Variants in AFAP1 observed in about 807,000 individuals in gnomAD.
AFAP1 encodes the protein actin filament associated protein 1.
Under a neutral mutation model 93.9 loss-of-function variants are expected in AFAP1, and 75 were observed. The observed-to-expected ratio is 0.80, with a 90% confidence interval of 0.66 to 0.97. AFAP1 has a LOEUF of 0.97. Ranked by LOEUF, AFAP1 falls within the 50% of genes least tolerant of loss-of-function variation. The pLI is 0.00. For missense variants in AFAP1, 1,201 were observed against 1,050.8 expected (o/e 1.14, Z -1.98); for synonymous variants, 517 against 430.7 (o/e 1.20, Z -2.48).
At chr4:7,914,244 G>A (rs551899500) in intron 1 of AFAP1, among the ~76,000 whole-genome samples, 36 of 152,034 alleles carry the variant, frequency 2.4e-4, no homozygotes, top group East Asian at 1.2e-3. Flanking sequence ...TAGTAGAGAC[G>A]GGGTTTCGCC....
chr4:7,838,834 T>TCA (rs113955695), intron 5 of AFAP1, 131 bp from the exon 6 acceptor site: 27,337 of 743,044 alleles, frequency 0.037, 360 homozygotes, highest in African/African-American at 0.1. Context: ...ATGAGCAGGT[T>TCA]CACACACACA....
intron 1 of AFAP1, among the ~76,000 whole-genome samples, chr4:7,888,361 A>C (rs779240834): frequency 3.3e-5 from 5 of 152,220 alleles, no homozygotes; most frequent in South Asian, 2.1e-4. Flanking sequence ...ATGTGTGGCT[A>C]GGAGGCTACC....
rs368114493 is a variant in AFAP1, at chr4:7,938,541, G to C, written c.-3+1115C>G. On this transcript the variant is annotated intron_variant, in intron 1 of 17. Coordinates refer to ENST00000420658, the MANE Select transcript of AFAP1 (RefSeq NM_001134647.2). ...AGGTCTTCCCATCAAGCTGAGGTCG[G>C]AGTCTCCCCACCCACGGACCTCACC... Among the ~76,000 whole-genome samples the C allele has an allele frequency of 1.0e-3, 156 of 152,244 alleles. 1 individual carries two copies. In the South Asian group the frequency reaches 0.011, roughly 11 times the overall value.
chr4:7,924,466 G>A (rs567165522), intron 1 of AFAP1, among the ~76,000 whole-genome samples: 9 of 152,284 alleles, frequency 5.9e-5, no homozygotes, highest in South Asian at 2.1e-4. Flanking sequence ...AGGCAATGGC[G>A]CCTAGGTACT....
At chr4:7,853,818 C>G (rs1375214687) in intron 4 of AFAP1, among the ~76,000 whole-genome samples, 1 of 152,202 alleles carries the variant, frequency 6.6e-6, no homozygotes, top group African/African-American at 2.4e-5. Flanking sequence ...CTGGGGCCAT[C>G]AACTGAGAGT....
intron 1 of AFAP1, among the ~76,000 whole-genome samples, chr4:7,905,865 A>T (rs6832352): frequency 5.9e-5 from 9 of 152,156 alleles, no homozygotes; most frequent in African/African-American, 1.9e-4. Flanking sequence ...AACATTTACC[A>T]AACAGCCTGC....
intron 5 of AFAP1, among the ~76,000 whole-genome samples, chr4:7,839,657 A>G (rs1162372156): frequency 2.6e-5 from 4 of 152,190 alleles, no homozygotes; most frequent in Admixed American, 2.0e-4. Flanking sequence ...CATTCACTCT[A>G]AAGATTTCGA....
At chr4:7,898,344 G>A (rs1718907384) in intron 1 of AFAP1, among the ~76,000 whole-genome samples, 1 of 151,956 alleles carries the variant, frequency 6.6e-6, no homozygotes, top group Non-Finnish European at 1.5e-5. Context: ...GAAGGCAGAG[G>A]TTGCAGTGAG....
intron 3 of AFAP1, among the ~76,000 whole-genome samples, chr4:7,856,975 C>T (rs1715143029): frequency 6.6e-6 from 1 of 152,224 alleles, no homozygotes; most frequent in Non-Finnish European, 1.5e-5. Context: ...TCTAAATCTG[C>T]TCAAAATCAG....
chr4:7,935,941 A>G (rs1272969163), intron 1 of AFAP1, among the ~76,000 whole-genome samples: 2 of 152,232 alleles, frequency 1.3e-5, no homozygotes, highest in Non-Finnish European at 2.9e-5. Flanking sequence ...TAACTAGTTA[A>G]GTTTTATTAA....
chr4:7,773,041 CG>C (rs757767903), intron 15 of AFAP1, 31 bp from the exon 16 acceptor site: 17 of 1,594,194 alleles, frequency 1.1e-5, no homozygotes, highest in Non-Finnish European at 1.4e-5. Context: ...GTTACTCCCG[CG>C]GCAGGCACAG....
At chr4:7,812,929 C>T (rs998756988) in intron 8 of AFAP1, among the ~76,000 whole-genome samples, 7 of 152,086 alleles carry the variant, frequency 4.6e-5, no homozygotes, top group Non-Finnish European at 7.4e-5. Flanking sequence ...GGCTGAGGAG[C>T]CTCACAGCCC....
intron 3 of AFAP1, among the ~76,000 whole-genome samples, chr4:7,858,087 CACAG>C (rs769810499): frequency 4.6e-5 from 7 of 152,172 alleles, no homozygotes; most frequent in African/African-American, 7.2e-5. Context: ...CTGCTACATC[CACAG>C]ACAAACATTT....
intron 2 of AFAP1, among the ~76,000 whole-genome samples, 182 bp from the exon 3 acceptor site, chr4:7,868,901 A>G (rs989504142): frequency 1.3e-5 from 2 of 152,072 alleles, no homozygotes; most frequent in African/African-American, 4.8e-5. Flanking sequence ...TGAAGAACCG[A>G]CAGCTTAAAT....
intron 1 of AFAP1, among the ~76,000 whole-genome samples, chr4:7,906,748 C>T (rs1719424385): frequency 6.6e-6 from 1 of 152,194 alleles, no homozygotes; most frequent in Admixed American, 6.5e-5. Context: ...AGGCCAGGCG[C>T]GGTGGCTCAC....
intron 1 of AFAP1, among the ~76,000 whole-genome samples, chr4:7,936,095 C>T (rs1721365506): frequency 1.3e-5 from 2 of 152,260 alleles, no homozygotes; most frequent in South Asian, 2.1e-4. Flanking sequence ...AATCAAAATA[C>T]AGGCAAAATC....
At chr4:7,800,337 A>T (rs1055659991) in intron 10 of AFAP1, 105 bp downstream of exon 10, 5 of 1,201,308 alleles carry the variant, frequency 4.2e-6, no homozygotes, top group Middle Eastern at 2.7e-4. Context: ...AGGTACTGTC[A>T]GCGAGATGGG....
chr4:7,796,100 G>T (rs1168480912), intron 10 of AFAP1, among the ~76,000 whole-genome samples: 1 of 152,104 alleles, frequency 6.6e-6, no homozygotes, highest in Non-Finnish European at 1.5e-5. Context: ...TCTGTTTCTA[G>T]CGTTTGTCTA....
chr4:7,915,085 T>A (rs1031451159), intron 1 of AFAP1, among the ~76,000 whole-genome samples: 3 of 152,094 alleles, frequency 2.0e-5, no homozygotes, highest in African/African-American at 7.2e-5. Flanking sequence ...GGTTTCACTA[T>A]GTTGGCCAGG....
Sources: allele counts gnomAD v4.1 joint callset (sites outside exome capture counted in the v4.1 genomes callset), GRCh38; gene constraint gnomAD v4.1.1; transcripts MANE v1.5; gene names NCBI Gene and HGNC (gene_info 2026-07-23, HGNC 2026-07-21).